The following MRTFA variants were observed in gnomAD, a reference collection of about 807,000 sequenced individuals.
The protein encoded by MRTFA is myocardin related transcription factor A.
A neutral mutation model predicts 83.5 loss-of-function variants in MRTFA; 20 were observed. That is an observed-to-expected ratio of 0.24 (90% confidence interval 0.17 to 0.35). The LOEUF (loss-of-function observed/expected upper bound fraction) is 0.35. MRTFA is among the 10% of genes least tolerant of loss of function. MRTFA has a pLI of 1.00. For missense variants in MRTFA, 1,200 were observed against 1,224.7 expected, an observed-to-expected ratio of 0.98 and a Z score of 0.30; for synonymous variants, 659 against 541.2, an observed-to-expected ratio of 1.22 and a Z score of -3.02.
chr22:40,419,080 A>G lies in MRTFA; in HGVS notation c.1658T>C (p.Val553Ala). 1 of 1,605,850 alleles carries G rather than the reference A, an allele frequency of 6.2e-7. No homozygotes were observed. The highest frequency in any genetic ancestry group is 8.5e-7 in the Non-Finnish European group (1 of 1,176,820). ...TGAGCGCTCCGAGGGGGTGGGAGAC[A>G]CGGGGGGCGTGGAGCCCGTGCTGCC... The change falls in exon 12 of 15, where the codon GTG (valine) becomes GCG (alanine). Residue 553 changes from valine to alanine, a missense_variant. Physicochemically the swap from Val to Ala is moderately conservative, Grantham distance 64. Transcript: ENST00000355630.
At chr22:40,625,800 A>G (rs2056575572) in intron 1 of MRTFA, among the ~76,000 whole-genome samples, 1 of 152,052 alleles carries the variant, frequency 6.6e-6, no homozygotes, top group African/African-American at 2.4e-5. Flanking sequence ...AAATAAATAA[A>G]TAACACAGAA....
At chr22:40,519,719 T>G (rs902139987) in intron 3 of MRTFA, 1 of 723,682 alleles carries the variant, frequency 1.4e-6, no homozygotes, top group Non-Finnish European at 2.0e-6. Context: ...AAAAGCACAA[T>G]AATGGAGTCA....
intron 3 of MRTFA, among the ~76,000 whole-genome samples, chr22:40,536,416 G>T (rs2055176495): frequency 6.7e-6 from 1 of 150,332 alleles, no homozygotes. Flanking sequence ...CGCCGCCCGG[G>T]AGGCAGCGGC....
chr22:40,518,846 G>A (rs1679026595), intron 3 of MRTFA, among the ~76,000 whole-genome samples: 1 of 147,124 alleles, frequency 6.8e-6, no homozygotes, highest in African/African-American at 2.5e-5. Context: ...TCCTCTTCAT[G>A]CACTGTAAAC....
At chr22:40,589,899 G>A (rs775471736) in intron 2 of MRTFA, among the ~76,000 whole-genome samples, 2 of 151,962 alleles carry the variant, frequency 1.3e-5, no homozygotes, top group Non-Finnish European at 2.9e-5. Flanking sequence ...GCACACACCT[G>A]TAATCCCAGC....
chr22:40,626,980 A>G (rs1009977315), intron 1 of MRTFA, among the ~76,000 whole-genome samples: 1 of 152,144 alleles, frequency 6.6e-6, no homozygotes, highest in Non-Finnish European at 1.5e-5. Context: ...AATATTAGGA[A>G]AGGACAACTT....
chr22:40,565,185 T>A (rs996779986), intron 2 of MRTFA, among the ~76,000 whole-genome samples: 1 of 152,224 alleles, frequency 6.6e-6, no homozygotes, highest in South Asian at 2.1e-4. Context: ...GTGTTAGGTA[T>A]ACATGTGAAC....
At chr22:40,634,943 G>A (rs766708625) in intron 1 of MRTFA, among the ~76,000 whole-genome samples, 7 of 152,208 alleles carry the variant, frequency 4.6e-5, no homozygotes, top group Non-Finnish European at 7.3e-5. Flanking sequence ...TCAAGTGGAT[G>A]TGACTTTTGG....
chr22:40,618,063 G>A (rs2056475084), intron 1 of MRTFA, among the ~76,000 whole-genome samples: 2 of 150,402 alleles, frequency 1.3e-5, no homozygotes, highest in South Asian at 2.1e-4. Context: ...AGGGATTGAG[G>A]AGTAAGGTTG....
intron 5 of MRTFA, among the ~76,000 whole-genome samples, chr22:40,431,859 T>TA (rs1265965630): frequency 2.0e-5 from 3 of 152,362 alleles, no homozygotes; most frequent in African/African-American, 7.2e-5. Flanking sequence ...TATTCTGGGA[T>TA]ATCTGTTTCT....
At chr22:40,428,834 G>A (rs2053008453) in intron 7 of MRTFA, among the ~76,000 whole-genome samples, 1 of 152,046 alleles carries the variant, frequency 6.6e-6, no homozygotes, top group South Asian at 2.1e-4. Flanking sequence ...CTCCCTTCCA[G>A]TGCCTTCTCA....
chr22:40,417,514 A>G, intron 12 of MRTFA, 21 bp from the exon 13 acceptor site: 1 of 1,256,448 alleles, frequency 8.0e-7, no homozygotes, highest in East Asian at 5.6e-5. Context: ...GAGCAGGGAG[A>G]GGACCAGTGG....
chr22:40,512,309 G>A (rs1714485038), intron 3 of MRTFA, among the ~76,000 whole-genome samples: 1 of 152,170 alleles, frequency 6.6e-6, no homozygotes, highest in Non-Finnish European at 1.5e-5. Context: ...AAATGTCAAT[G>A]GACACAGATG....
At chr22:40,624,067 G>A (rs951373867) in intron 1 of MRTFA, among the ~76,000 whole-genome samples, 3 of 152,220 alleles carry the variant, frequency 2.0e-5, no homozygotes, top group African/African-American at 7.2e-5. Context: ...TCAAACCACT[G>A]AACTCCAGCC....
intron 3 of MRTFA, among the ~76,000 whole-genome samples, chr22:40,543,333 C>T (rs561172413): frequency 1.3e-5 from 2 of 152,216 alleles, no homozygotes; most frequent in African/African-American, 4.8e-5. Flanking sequence ...ACAGTTCGTA[C>T]CCTTACAGAA....
intron 4 of MRTFA, among the ~76,000 whole-genome samples, chr22:40,440,151 CAAAAAA>C (rs376161982): frequency 4.2e-5 from 3 of 70,760 alleles, no homozygotes; most frequent in African/African-American, 5.3e-5. Flanking sequence ...GACTCCGTCT[CAAAAAA>C]AAAAAAAAAA....
intron 3 of MRTFA, among the ~76,000 whole-genome samples, chr22:40,501,941 G>A (rs1388429915): frequency 9.9e-5 from 10 of 100,622 alleles, no homozygotes; most frequent in Non-Finnish European, 2.0e-4. Context: ...GGGCAGAGGC[G>A]CCCCTCACCT....
At chr22:40,431,974 G>A (rs1034663621) in intron 5 of MRTFA, among the ~76,000 whole-genome samples, 9 of 152,122 alleles carry the variant, frequency 5.9e-5, no homozygotes, top group South Asian at 2.1e-4. Context: ...GGCCAGGCAC[G>A]GTGGCTCAAG....
At chr22:40,621,219 GT>G (rs2056519451) in intron 1 of MRTFA, among the ~76,000 whole-genome samples, 1 of 151,510 alleles carries the variant, frequency 6.6e-6, no homozygotes, top group South Asian at 2.1e-4. Context: ...ACTGAAAGAT[GT>G]TGGACTACCA....
Sources: allele counts gnomAD v4.1 joint callset (sites outside exome capture counted in the v4.1 genomes callset), GRCh38; gene constraint gnomAD v4.1.1; transcripts MANE v1.5; gene names NCBI Gene and HGNC (gene_info 2026-07-23, HGNC 2026-07-21).